Variants in NPC1 observed in about 807,000 individuals in gnomAD.
NPC1 encodes the protein Niemann-Pick C1 protein.
A neutral mutation model predicts 140.4 loss-of-function variants in NPC1; 85 were observed. That is an observed-to-expected ratio of 0.61 (90% confidence interval 0.51 to 0.72). NPC1 has a LOEUF of 0.72. Ranked by LOEUF, NPC1 falls within the 30% of genes least tolerant of loss-of-function variation. NPC1 has a pLI of 0.00. For synonymous variants in NPC1, 656 were observed against 624.8 expected (o/e 1.05, Z -0.74); for missense variants, 1,504 against 1,623.8 (o/e 0.93, Z 1.27).
At chr18:23,581,149 A>G (rs1435928106) in intron 1 of NPC1, among the ~76,000 whole-genome samples, 1 of 152,222 alleles carries the variant, frequency 6.6e-6, no homozygotes, top group Non-Finnish European at 1.5e-5. Flanking sequence ...CAAAACTAAA[A>G]CAAAACTATG....
chr18:23,538,116 C>T (rs941601510), intron 20 of NPC1, among the ~76,000 whole-genome samples: 3 of 152,102 alleles, frequency 2.0e-5, no homozygotes, highest in Non-Finnish European at 4.4e-5. Context: ...AGGAGCATGA[C>T]GAGGCTAAAA....
At chr18:23,575,796 A>AAAAAAAAAAT (rs2059268490) in intron 1 of NPC1, among the ~76,000 whole-genome samples, 1 of 146,044 alleles carries the variant, frequency 6.8e-6, no homozygotes, top group Non-Finnish European at 1.5e-5. Flanking sequence ...AAAAAAAAAA[A>AAAAAAAAAAT]GTCATCCTGG....
Position 23,572,128 on chromosome 18 carries a change from C to A in NPC1, c.233G>T (p.Arg78Leu), listed in dbSNP as rs373274825. The change falls in exon 3 of 25, where the codon CGG becomes CTG. Residue 78 changes from arginine to leucine, a missense_variant. Physicochemically the swap from Arg to Leu is moderately radical, Grantham distance 102. Coordinates refer to ENST00000269228, the MANE Select transcript of NPC1 (RefSeq NM_000271.5). The part of the protein sequence containing the change: ...FGNVSLCCDV[R>L]QLQTLKDNLQ... ...GTTGTCTTTTAGTGTCTGAAGCTGC[C>A]GAACATCACAACAGAGACTGACATT... is the stretch of plus-strand genomic sequence containing the variant. 1 of 1,613,646 alleles carries A rather than the reference C, an allele frequency of 6.2e-7. No homozygotes were observed. Among genetic ancestry groups the A allele is most frequent in the Non-Finnish European group, 8.5e-7 (1 of 1,179,798 alleles).
rs543713415 is a variant in NPC1, at chr18:23,553,197, G to A, written c.1554-1470C>T. The stretch of plus-strand genomic sequence containing the variant: ...CGCTTTGAGGAAACACAAGGCTCAC[G>A]CACCTCTGTCCCCCATCATTTTTGT... On this transcript the variant is annotated intron_variant, in intron 9 of 24. Coordinates refer to ENST00000269228, the MANE Select transcript of NPC1 (RefSeq NM_000271.5). 1.6e-3 allele frequency among the ~76,000 whole-genome samples: 242 copies of A among 152,354 alleles called. 1 individual carries two copies. Among genetic ancestry groups the A allele is most frequent in the African/African-American group, 5.6e-3 (232 of 41,588 alleles).
At chr18:23,584,055 G>A (rs532819787) in intron 1 of NPC1, among the ~76,000 whole-genome samples, 8 of 152,240 alleles carry the variant, frequency 5.3e-5, no homozygotes, top group East Asian at 3.9e-4. Context: ...AATTACAGCC[G>A]GGAAAAATAA....
At chr18:23,516,407 A>T (rs777708274) in intron 3 of NPC1, 1 of 1,614,170 alleles carries the variant, frequency 6.2e-7, no homozygotes, top group Admixed American at 1.7e-5. Context: ...CGAAAGAGAC[A>T]TCGCAATGGC....
At chr18:23,548,399 G>A (rs2058819775) in intron 10 of NPC1, among the ~76,000 whole-genome samples, 1 of 144,118 alleles carries the variant, frequency 6.9e-6, no homozygotes, top group South Asian at 2.2e-4. Flanking sequence ...AAACAGAACA[G>A]AAAAGTGTTT....
intron 1 of NPC1, among the ~76,000 whole-genome samples, chr18:23,577,575 A>G (rs929140259): frequency 6.6e-6 from 1 of 152,192 alleles, no homozygotes; most frequent in Non-Finnish European, 1.5e-5. Flanking sequence ...CACCTAGTGG[A>G]TCCCGCACCG....
Position 23,551,739 on chromosome 18 carries a change from T to C in NPC1, c.1554-12A>G. 1.3e-6 allele frequency: 2 copies of C among 1,589,394 alleles called. No individual in the cohort carries two copies. Among genetic ancestry groups the C allele is most frequent in the Non-Finnish European group, 1.7e-6 (2 of 1,157,668 alleles). On this transcript the variant is annotated splice_polypyrimidine_tract_variant and intron_variant, in intron 9 of 24. Coordinates refer to ENST00000269228, the MANE Select transcript of NPC1 (RefSeq NM_000271.5). ...GAGAGGCAGGAGCCCTGCCAAAAAG[T>C]TTAGAAAACACCTCCCAGTTAGAAG...
At chr18:23,518,461 T>C (rs552356776), downstream of NPC1, among the ~76,000 whole-genome samples, 1 of 152,278 alleles carries the variant, frequency 6.6e-6, no homozygotes, top group East Asian at 1.9e-4. Context: ...ACCACTGCAT[T>C]CCAGCCTGGG....
intron 3 of NPC1, among the ~76,000 whole-genome samples, chr18:23,512,092 C>G (rs1339995099): frequency 1.3e-5 from 2 of 149,698 alleles, no homozygotes; most frequent in Non-Finnish European, 3.0e-5. Flanking sequence ...GCGATCTCGG[C>G]TCACGGCAAC....
chr18:23,567,291 G>A (rs552327907), intron 4 of NPC1, among the ~76,000 whole-genome samples: 1 of 152,304 alleles, frequency 6.6e-6, no homozygotes, highest in South Asian at 2.1e-4. Flanking sequence ...AGAGCTCATT[G>A]CCAGCATTTG....
chr18:23,535,712 A>C lies in NPC1; in HGVS notation c.3246-12T>G. The C allele has an allele frequency of 6.3e-7, 1 of 1,575,204 alleles. No homozygotes were observed. The highest frequency in any genetic ancestry group is 8.7e-7 in the Non-Finnish European group (1 of 1,144,720). On this transcript the variant is annotated splice_polypyrimidine_tract_variant and intron_variant, in intron 21 of 24. Transcript: ENST00000269228. ...AGACATAAAACACACTGGAGGGGAG[A>C]GGGGAGGCCTCATTAAAGCTCGCTC...
chr18:23,524,032 G>A lies in NPC1; in HGVS notation c.164-1126C>T, dbSNP rs773613606. The A allele has an allele frequency of 1.3e-4, 163 of 1,286,736 alleles. 1 individual carries two copies. Among genetic ancestry groups the A allele is most frequent in the Non-Finnish European group, 1.7e-4 (149 of 887,342 alleles). The allele number at this position is 1,286,736 out of a possible 1,614,324, so 79.7% of individuals were successfully genotyped here. On this transcript the variant is annotated intron_variant, in intron 1 of 1. Coordinates refer to the NPC1 transcript ENST00000590723. ...TTGACTACAATTGAATAAACATTTC[G>A]TAATGACATTAAAAAGTATTGACTT...
chr18:23,575,982 G>A (rs937638025), intron 1 of NPC1, among the ~76,000 whole-genome samples: 18 of 151,958 alleles, frequency 1.2e-4, no homozygotes, highest in Non-Finnish European at 2.2e-4. Flanking sequence ...CCAGCACTTT[G>A]GGAGGCTGAG....
intron 22 of NPC1, 57 bp downstream of exon 22, chr18:23,535,412 C>G: frequency 1.6e-6 from 2 of 1,244,666 alleles, no homozygotes; most frequent in Non-Finnish European, 2.3e-6. Context: ...CTAAGACAGC[C>G]AATTCCCCCA....
At chr18:23,511,115 G>A (rs1192928430) in intron 3 of NPC1, among the ~76,000 whole-genome samples, 1 of 152,172 alleles carries the variant, frequency 6.6e-6, no homozygotes, top group African/African-American at 2.4e-5. Context: ...AGAAAATGTG[G>A]TACATATATA....
chr18:23,565,343 C>T (rs1690867268), intron 4 of NPC1, among the ~76,000 whole-genome samples: 2 of 151,988 alleles, frequency 1.3e-5, no homozygotes, highest in African/African-American at 4.8e-5. Context: ...GAATAATGTT[C>T]TTTAGTGTGT....
rs1788799 is a variant in NPC1 at position 23,544,981 on chromosome 18, C to G, written c.1926G>C (p.Met642Ile). 1,051,892 of 1,530,962 alleles carry G rather than the reference C, an allele frequency of 0.69. 374,159 individuals are homozygous for G. The highest frequency in any genetic ancestry group is 0.94 in the East Asian group (41,111 of 43,676). The allele number at this position is 1,530,962 out of a possible 1,614,324, so 94.8% of individuals were successfully genotyped here. The change falls in exon 12 of 25, where the codon ATG (methionine) becomes ATC (isoleucine). Residue 642 changes from methionine to isoleucine, a missense_variant. By Grantham distance (10) the Met-to-Ile change is conservative (BLOSUM62 1). Coordinates refer to ENST00000269228, the MANE Select transcript of NPC1 (RefSeq NM_000271.5). ...FLYISLALGHMKSCRRLLVDS... is the reference protein window; with the variant it reads ...FLYISLALGHIKSCRRLLVDS... ...TTACCAGAAGCCTGCGACAGCTTTT[C>G]ATGTGCCCCAAGGCTAGGGAAATAT...
Sources: gnomAD v4.1 joint callset for allele counts (sites outside exome capture counted in the v4.1 genomes callset) on GRCh38, gnomAD v4.1.1 for gene constraint, MANE v1.5 for transcripts, NCBI Gene and HGNC (gene_info 2026-07-23, HGNC 2026-07-21) for gene names.